NPAS2: variants seen among roughly 807,000 people sequenced by gnomAD.
NPAS2 encodes neuronal PAS domain protein 2, also known as neuronal PAS domain-containing protein 2.
NPAS2 carries 23 observed loss-of-function variants against 107.5 expected under a neutral mutation model. That is an observed-to-expected ratio of 0.21 (90% CI 0.15 to 0.30). The LOEUF (loss-of-function observed/expected upper bound fraction) is 0.30. Ranked by LOEUF, NPAS2 falls within the 10% of genes least tolerant of loss-of-function variation. The probability of loss-of-function intolerance (pLI) is 1.00; values close to 1 mark genes in which losing one functional copy is unlikely to be tolerated. For synonymous variants in NPAS2, 403 were observed against 417.5 expected, an observed-to-expected ratio of 0.97 and a Z score of 0.42; for missense variants, 756 against 1,043.3, an observed-to-expected ratio of 0.72 and a Z score of 3.79.
At chr2:100,944,165 C>G (rs1010270457) in intron 5 of NPAS2, among the ~76,000 whole-genome samples, 2 of 152,064 alleles carry the variant, frequency 1.3e-5, no homozygotes, top group African/African-American at 4.8e-5. Context: ...TTAGGGAGAC[C>G]AAGGCCCCAG....
chr2:100,831,869 A>G (rs1249975519), intron 1 of NPAS2, among the ~76,000 whole-genome samples: 3 of 152,014 alleles, frequency 2.0e-5, no homozygotes, highest in Non-Finnish European at 2.9e-5. Flanking sequence ...CCTATCCTGC[A>G]TTTTACATCT....
chr2:100,937,045 T>G (rs1478034677), intron 4 of NPAS2, among the ~76,000 whole-genome samples: 1 of 150,590 alleles, frequency 6.6e-6, no homozygotes, highest in Non-Finnish European at 1.5e-5. Flanking sequence ...ATTGCCCACC[T>G]TCAACCTATT....
intron 1 of NPAS2, among the ~76,000 whole-genome samples, chr2:100,902,998 A>G (rs1046122513): frequency 3.9e-5 from 6 of 152,254 alleles, no homozygotes; most frequent in Admixed American, 2.0e-4. Context: ...TACAAATCAC[A>G]GAAGATGTGG....
At chr2:100,930,399 G>T (rs1350020899) in intron 3 of NPAS2, among the ~76,000 whole-genome samples, 1 of 152,188 alleles carries the variant, frequency 6.6e-6, no homozygotes, top group East Asian at 1.9e-4. Context: ...TTATTATTCA[G>T]ATATACCAGG....
At chr2:100,914,199 C>A (rs900624578) in intron 2 of NPAS2, among the ~76,000 whole-genome samples, 1 of 152,144 alleles carries the variant, frequency 6.6e-6, no homozygotes, top group African/African-American at 2.4e-5. Context: ...GCCTTGGAAC[C>A]ATGGCCCTCT....
intron 1 of NPAS2, among the ~76,000 whole-genome samples, chr2:100,876,505 A>T (rs192553940): frequency 1.3e-5 from 2 of 152,304 alleles, no homozygotes; most frequent in East Asian, 3.9e-4. Flanking sequence ...CAGCTGCCCT[A>T]GGGGCCCAGG....
intron 10 of NPAS2, among the ~76,000 whole-genome samples, chr2:100,966,894 G>T (rs936253525): frequency 1.3e-5 from 2 of 152,140 alleles, no homozygotes; most frequent in Non-Finnish European, 2.9e-5. Context: ...ACTGTGCCTG[G>T]CTAGAACTTT....
intron 1 of NPAS2, among the ~76,000 whole-genome samples, chr2:100,848,884 G>T (rs1317815448): frequency 6.6e-6 from 1 of 152,152 alleles, no homozygotes; most frequent in Non-Finnish European, 1.5e-5. Flanking sequence ...GTCCCAAATC[G>T]CCCTGACATG....
chr2:100,955,766 A>C (rs1357191648), intron 7 of NPAS2, among the ~76,000 whole-genome samples: 1 of 152,056 alleles, frequency 6.6e-6, no homozygotes, highest in Non-Finnish European at 1.5e-5. Context: ...GCCTCCCACC[A>C]CATCAAGCCG....
At chr2:100,987,283 C>T (rs547831678) in intron 16 of NPAS2, 1 of 152,226 alleles carries the variant, frequency 6.6e-6, no homozygotes, top group African/African-American at 2.4e-5. Context: ...TGAACTAAAT[C>T]AGGATTCTCA....
rs116373932 is a variant in NPAS2, at chr2:100,940,130, C to T, written c.363+2288C>T. Reference sequence around the variant, plus strand: ...AAAGGCTGCTGAGGATGGAAACTTCCCTGGTGCAATCAGCATACAGCTGGT... The same window carrying T: ...AAAGGCTGCTGAGGATGGAAACTTCTCTGGTGCAATCAGCATACAGCTGGT... On this transcript the variant is annotated intron_variant, in intron 5 of 20. Coordinates refer to ENST00000335681, the MANE Select transcript of NPAS2 (RefSeq NM_002518.4). 4.3e-3 allele frequency among the ~76,000 whole-genome samples: 661 copies of T among 152,316 alleles called. 4 individuals are homozygous for T. Among genetic ancestry groups the T allele is most frequent in the African/African-American group, 0.015 (618 of 41,578 alleles).
At chr2:100,905,688 G>A (rs1388765639) in intron 2 of NPAS2, among the ~76,000 whole-genome samples, 1 of 152,104 alleles carries the variant, frequency 6.6e-6, no homozygotes, top group African/African-American at 2.4e-5. Context: ...ACCCCTTTCT[G>A]CCTCTGCCAC....
chr2:100,916,170 G>A (rs1423651648), intron 2 of NPAS2, among the ~76,000 whole-genome samples: 1 of 151,910 alleles, frequency 6.6e-6, no homozygotes, highest in African/African-American at 2.4e-5. Flanking sequence ...AGCAGGAAAG[G>A]GGAAATAAAC....
At chr2:100,939,097 G>A (rs1413448335) in intron 5 of NPAS2, among the ~76,000 whole-genome samples, 1 of 152,154 alleles carries the variant, frequency 6.6e-6, no homozygotes, top group Non-Finnish European at 1.5e-5. Flanking sequence ...GATGAGCCCA[G>A]CTCTGCTGAT....
chr2:100,929,809 A>G lies in NPAS2; in HGVS notation c.182-3101A>G, dbSNP rs553996014. ...CGGTGTGCAGTGAGGGTTAAGAACTATGAATTTCAACATGCTTCCTGCCGT... is the reference window on the plus strand; with the variant it reads ...CGGTGTGCAGTGAGGGTTAAGAACTGTGAATTTCAACATGCTTCCTGCCGT... On this transcript the variant is annotated intron_variant, in intron 3 of 20. Transcript: ENST00000335681. 8.6e-4 allele frequency among the ~76,000 whole-genome samples: 131 copies of G among 152,352 alleles called. 1 individual carries two copies. The highest frequency in any genetic ancestry group is 3.1e-3 in the African/African-American group (128 of 41,594).
intron 1 of NPAS2, among the ~76,000 whole-genome samples, chr2:100,864,163 A>T (rs1442809174): frequency 6.6e-6 from 1 of 152,216 alleles, no homozygotes; most frequent in African/African-American, 2.4e-5. Context: ...GTTATTCATA[A>T]TTCAGAGCCC....
At chr2:100,906,076 C>T (rs929939247) in intron 2 of NPAS2, among the ~76,000 whole-genome samples, 4 of 152,322 alleles carry the variant, frequency 2.6e-5, no homozygotes, top group East Asian at 3.9e-4. Flanking sequence ...ACTGGGGACT[C>T]TTAGTACTCT....
At chr2:100,910,636 C>T (rs1390378434) in intron 2 of NPAS2, among the ~76,000 whole-genome samples, 1 of 151,584 alleles carries the variant, frequency 6.6e-6, no homozygotes, top group Admixed American at 6.6e-5. Context: ...TCAAGTGATT[C>T]TCCTCCCACA....
rs530953111 is a variant in NPAS2, at chr2:100,978,428, T to G, written c.1482+629T>G. Among the ~76,000 whole-genome samples, 3 of 152,238 alleles carry G rather than the reference T, an allele frequency of 2.0e-5. No homozygotes were observed. The South Asian group carries it at 6.2e-4, about 32-fold the overall frequency. Reference sequence around the variant, plus strand: ...TTACGACTCCAAATTGGCCATGGTATTTTAGAAAAGGTCTGAATTGGGCTG... The same window carrying G: ...TTACGACTCCAAATTGGCCATGGTAGTTTAGAAAAGGTCTGAATTGGGCTG... On this transcript the variant is annotated intron_variant, in intron 15 of 20. Coordinates refer to ENST00000335681, the MANE Select transcript of NPAS2 (RefSeq NM_002518.4).
Sources: gnomAD v4.1 joint callset for allele counts (sites outside exome capture counted in the v4.1 genomes callset) on GRCh38, gnomAD v4.1.1 for gene constraint, MANE v1.5 for transcripts, NCBI Gene and HGNC (gene_info 2026-07-23, HGNC 2026-07-21) for gene names.